Variants in ATR observed in about 807,000 individuals in gnomAD.
The protein encoded by ATR is serine/threonine-protein kinase ATR.
ATR carries 142 observed loss-of-function variants against 305.3 expected under a neutral mutation model. That is an observed-to-expected ratio of 0.47 (90% CI 0.41 to 0.53). ATR has a LOEUF of 0.53. ATR is among the 20% of genes least tolerant of loss of function. ATR has a pLI of 0.00. For missense variants in ATR, 2,135 were observed against 3,133.1 expected, an observed-to-expected ratio of 0.68 and a Z score of 7.60; for synonymous variants, 1,050 against 1,068.1, an observed-to-expected ratio of 0.98 and a Z score of 0.33.
chr3:142,479,448 G>A (rs552984647), intron 36 of ATR, among the ~76,000 whole-genome samples: 1,867 of 152,254 alleles, frequency 0.012, 29 homozygotes, highest in Non-Finnish European at 0.015. Flanking sequence ...AATTTCTGCC[G>A]AGAGATCAGC....
chr3:142,483,999 A>T (rs1372844783), intron 36 of ATR, among the ~76,000 whole-genome samples: 1 of 152,090 alleles, frequency 6.6e-6, no homozygotes, highest in Non-Finnish European at 1.5e-5. Flanking sequence ...AATTTTTTTA[A>T]AAATCCAGGC....
intron 16 of ATR, among the ~76,000 whole-genome samples, chr3:142,544,062 C>G (rs1222444418): frequency 2.0e-5 from 3 of 152,116 alleles, no homozygotes; most frequent in African/African-American, 7.2e-5. Flanking sequence ...TTTGACACTT[C>G]CTAATGTGTG....
intron 40 of ATR, 73 bp from the exon 41 acceptor site, chr3:142,465,313 G>A: frequency 8.7e-7 from 1 of 1,144,754 alleles, no homozygotes; most frequent in Non-Finnish European, 1.2e-6. Flanking sequence ...TATAAACCTT[G>A]AGTTATGTAA....
At chr3:142,541,287 A>G (rs550195382) in intron 17 of ATR, among the ~76,000 whole-genome samples, 1 of 152,324 alleles carries the variant, frequency 6.6e-6, no homozygotes, top group South Asian at 2.1e-4. Flanking sequence ...ATTTTAGCCC[A>G]GTATTCATCT....
intron 30 of ATR, 147 bp downstream of exon 30, chr3:142,503,215 A>G (rs1559944220): frequency 1.6e-5 from 9 of 558,748 alleles, no homozygotes; most frequent in Non-Finnish European, 2.8e-5. Context: ...AAACTTGAGG[A>G]AAAAAAAATG....
At chr3:142,577,251 C>T (rs919601505) in intron 1 of ATR, among the ~76,000 whole-genome samples, 1 of 152,132 alleles carries the variant, frequency 6.6e-6, no homozygotes, top group Non-Finnish European at 1.5e-5. Flanking sequence ...ATGAAACCGA[C>T]TATATATAAT....
chr3:142,475,146 C>T (rs941241962), intron 36 of ATR, among the ~76,000 whole-genome samples: 9 of 152,142 alleles, frequency 5.9e-5, no homozygotes, highest in African/African-American at 1.7e-4. Flanking sequence ...ATGTGCACAA[C>T]GTGCAGGTTT....
intron 32 of ATR, 118 bp from the exon 33 acceptor site, chr3:142,497,310 T>C (rs899272547): frequency 2.8e-6 from 3 of 1,053,118 alleles, no homozygotes; most frequent in Admixed American, 4.9e-5. Flanking sequence ...TTGTCTTTGG[T>C]AGAACTTTAA....
intron 24 of ATR, among the ~76,000 whole-genome samples, chr3:142,518,907 A>G (rs533167630): frequency 2.0e-5 from 3 of 152,166 alleles, no homozygotes; most frequent in Non-Finnish European, 4.4e-5. Context: ...TAAATTTTTT[A>G]AGAGATTAAA....
intron 21 of ATR, among the ~76,000 whole-genome samples, chr3:142,527,905 T>C (rs775357885): frequency 4.6e-5 from 7 of 152,158 alleles, no homozygotes; most frequent in Non-Finnish European, 1.0e-4. Context: ...CTCCTAACCC[T>C]AGGCAACCAT....
intron 46 of ATR, chr3:142,451,942 G>A: frequency 8.2e-7 from 1 of 1,213,794 alleles, no homozygotes; most frequent in Non-Finnish European, 1.0e-6. Flanking sequence ...TACAAGCCAA[G>A]TATATCTATC....
intron 32 of ATR, 57 bp downstream of exon 32, chr3:142,498,540 A>C (rs2031773805): frequency 6.4e-7 from 1 of 1,570,380 alleles, no homozygotes; most frequent in African/African-American, 1.4e-5. Context: ...AAAATTTTCC[A>C]ATCCTGTCAG....
At chr3:142,480,372 G>A (rs1425500630) in intron 36 of ATR, among the ~76,000 whole-genome samples, 1 of 152,178 alleles carries the variant, frequency 6.6e-6, no homozygotes, top group East Asian at 1.9e-4. Flanking sequence ...TGTTTGCCTG[G>A]GTATCAGCAG....
intron 46 of ATR, chr3:142,452,631 G>T: frequency 1.1e-6 from 1 of 918,958 alleles, no homozygotes; most frequent in Non-Finnish European, 1.3e-6. Context: ...CCAAGATCGT[G>T]CCACTGTACT....
In ATR at chr3:142,551,851, C is replaced by G. The variant is rs187698085; in HGVS notation, c.2805+1376G>C. Among the ~76,000 whole-genome samples the G allele has an allele frequency of 6.0e-4, 91 of 152,264 alleles. 1 individual carries two copies. In the East Asian group the frequency reaches 0.015, roughly 25 times the overall value. On this transcript the variant is annotated intron_variant, in intron 13 of 46. Transcript: ENST00000350721. ...CTATTTAAACTCAAGAGCTTCTGCA[C>G]AGCAAAATAAACTATCATCACAGTG...
Position 142,541,028 on chromosome 3 carries a change from T to A in ATR, c.3457A>T (p.Asn1153Tyr). The change falls in exon 18 of 47, where the codon AAC (asparagine) becomes TAC (tyrosine). Residue 1153 changes from asparagine (N) to tyrosine (Y), a missense_variant. Asn to Tyr is a moderately radical substitution (Grantham distance 143). This residue lies in a region of ATR where 530 missense variants were observed against 766.8 expected (regional missense o/e 0.69). Coordinates refer to ENST00000350721, the MANE Select transcript of ATR (RefSeq NM_001184.4). ...VGIEDKKMAL[N>Y]SLMSLMKLMG... ...AACTTCATCAAAGACATCAAACTGT[T>A]CAAGGCCTATAGAGTTAAGTAGTGC... 6.2e-7 allele frequency: 1 copy of A among 1,613,632 alleles called. No homozygotes were observed. The highest frequency in any genetic ancestry group is 8.5e-7 in the Non-Finnish European group (1 of 1,179,672).
At chr3:142,473,215 T>C (rs944499692) in intron 36 of ATR, among the ~76,000 whole-genome samples, 3 of 152,242 alleles carry the variant, frequency 2.0e-5, no homozygotes, top group African/African-American at 7.2e-5. Context: ...TTTCTTCTAG[T>C]AGTTTTACAG....
chr3:142,524,720 T>C (rs920551635), intron 21 of ATR, among the ~76,000 whole-genome samples: 2 of 152,054 alleles, frequency 1.3e-5, no homozygotes, highest in African/African-American at 2.4e-5. Context: ...GGAAAAAAGA[T>C]ATAAAAAAGG....
Position 142,558,615 on chromosome 3 carries a change from A to G in ATR, c.1885+9T>C. 6.2e-7 allele frequency: 1 copy of G among 1,609,600 alleles called. No individual in the cohort carries two copies. The highest frequency in any genetic ancestry group is 8.5e-7 in the Non-Finnish European group (1 of 1,177,072). On this transcript the variant is annotated intron_variant, in intron 8 of 46. Coordinates refer to ENST00000350721, the MANE Select transcript of ATR (RefSeq NM_001184.4). ...AACAAACCACACACACATTCTTGTG[A>G]GCACTTACAATAGCTATCTGAAATC...
Sources: allele counts gnomAD v4.1 joint callset (sites outside exome capture counted in the v4.1 genomes callset), GRCh38; gene constraint gnomAD v4.1.1; regional missense constraint gnomAD v4.1.1; transcripts MANE v1.5; gene names NCBI Gene and HGNC (gene_info 2026-07-23, HGNC 2026-07-21).